KDM2B: variants seen among roughly 807,000 people sequenced by gnomAD.
The protein encoded by KDM2B is lysine-specific demethylase 2B.
In KDM2B, 26 loss-of-function variants were observed where a neutral mutation model predicts 150.0. The ratio of observed to expected loss-of-function variants is 0.17; its 90% CI spans 0.13 to 0.24. KDM2B has a LOEUF of 0.24. Among genes scored for constraint, KDM2B ranks in the 10% least tolerant of loss-of-function variants. KDM2B has a pLI of 1.00. For missense variants in KDM2B, 1,265 were observed against 1,816.9 expected (o/e 0.70, Z 5.52); for synonymous variants, 734 against 729.5 (o/e 1.01, Z -0.10).
At chr12:121,492,538 C>T (rs1314043608) in intron 12 of KDM2B, among the ~76,000 whole-genome samples, 1 of 151,952 alleles carries the variant, frequency 6.6e-6, no homozygotes, top group Non-Finnish European at 1.5e-5. Context: ...GAACTCCTGA[C>T]CTCAAGTGAT....
At chr12:121,423,512 G>A in the KDM2B span, 9 of 1,614,194 alleles carry the variant, frequency 5.6e-6, no homozygotes, top group East Asian at 2.2e-5. The surrounding 1 kb of genome is among the most constrained non-coding windows in gnomAD (Gnocchi z 4.3). Flanking sequence ...TGCGGCAAGC[G>A]CATGAGTGAG....
rs1202113634 is a variant in KDM2B, at chr12:121,518,930, G to A, written c.1047+2055C>T. ...AGGTGACCGCTTGTATCCAAACAGTGCCTTTCTCCTGAATGGCATGGGGCG... is the reference window on the plus strand; with the variant it reads ...AGGTGACCGCTTGTATCCAAACAGTACCTTTCTCCTGAATGGCATGGGGCG... On this transcript the variant is annotated intron_variant, in intron 9 of 22. Transcript: ENST00000377071. This position sits in a 1 kb window ranked among gnomAD's most constrained non-coding sequence, Gnocchi z 4.4. Among the ~76,000 whole-genome samples, 1 of 152,176 alleles carries A rather than the reference G, an allele frequency of 6.6e-6. No individual in the cohort carries two copies. The highest frequency in any genetic ancestry group is 6.5e-5 in the Admixed American group (1 of 15,278).
At chr12:121,433,532 T>G (rs1555285995) in intron 22 of KDM2B, among the ~76,000 whole-genome samples, 1 of 152,176 alleles carries the variant, frequency 6.6e-6, no homozygotes, top group African/African-American at 2.4e-5. Context: ...AGGAATAAAT[T>G]TAACCAAGGA....
At chr12:121,443,936 T>G in intron 16 of KDM2B, 76 bp downstream of exon 16, 6 of 1,171,782 alleles carry the variant, frequency 5.1e-6, no homozygotes, top group Non-Finnish European at 7.3e-6. Flanking sequence ...GCCCACCCCC[T>G]GCCCCATCCC....
Position 121,453,057 on chromosome 12 carries a change from G to T in KDM2B, c.1959+63C>A. 1 of 1,390,074 alleles carries T rather than the reference G, an allele frequency of 7.2e-7. No individual in the cohort carries two copies. The allele number at this position is 1,390,074 out of a possible 1,614,324, so 86.1% of individuals were successfully genotyped here. The stretch of plus-strand genomic sequence containing the variant: ...GGGCGGCCAGAGCGAGCAGCGGTCA[G>T]ACACGCGGGCCGGCACGCAGGGGCC... On this transcript the variant is annotated intron_variant, in intron 13 of 22. Transcript: ENST00000377071. The surrounding 1 kb of genome is among the most constrained non-coding windows in gnomAD (Gnocchi z 6.4).
At chr12:121,416,583 G>T in the KDM2B span, 1 of 499,690 alleles carries the variant, frequency 2.0e-6, no homozygotes, top group South Asian at 2.5e-5. Flanking sequence ...TCATGTTCAG[G>T]CATCCTTTCT....
chr12:121,442,181 C>T lies in KDM2B; in HGVS notation c.3260G>A (p.Arg1087Gln), dbSNP rs782298682. ...CCAGCGGTTCCAGGTCCTGCAGACC[C>T]GCATGCACACACACAGGTCTTGGTG... is the stretch of plus-strand genomic sequence containing the variant. ...LSHQDLCVCMRVCRTWNRWCC... is the reference protein window; with the variant it reads ...LSHQDLCVCMQVCRTWNRWCC... Residue 1087 changes from arginine to glutamine, a missense_variant, in exon 19 of 23, where the codon CGG (arginine) becomes CAG (glutamine). Coordinates refer to ENST00000377071, the MANE Select transcript of KDM2B (RefSeq NM_032590.5). This position sits in a 1 kb window ranked among gnomAD's most constrained non-coding sequence, Gnocchi z 7.7. 14 of 1,613,534 alleles carry T rather than the reference C, an allele frequency of 8.7e-6. No homozygotes were observed. Among genetic ancestry groups the T allele is most frequent in the East Asian group, 4.5e-5 (2 of 44,888 alleles).
At chr12:121,410,141 C>T in the KDM2B span, among the ~76,000 whole-genome samples, 3 of 147,728 alleles carry the variant, frequency 2.0e-5, no homozygotes, top group East Asian at 2.0e-4. Context: ...GCAACAAGAG[C>T]GAAACTCCGT....
chr12:121,478,361 CTTTTTTT>C (rs34310054), intron 12 of KDM2B, among the ~76,000 whole-genome samples: 3 of 137,036 alleles, frequency 2.2e-5, no homozygotes, highest in Non-Finnish European at 4.7e-5. Flanking sequence ...CAAGTAGATC[CTTTTTTT>C]TTTTTTTTTA....
intron 10 of KDM2B, 55 bp from the exon 11 acceptor site, chr12:121,510,094 G>A: frequency 1.4e-6 from 2 of 1,449,888 alleles, no homozygotes; most frequent in South Asian, 2.7e-5. Flanking sequence ...CCCTGCCAAG[G>A]TCTTTGGAAC....
chr12:121,423,738 T>C, the KDM2B span: 9 of 666,678 alleles, frequency 1.3e-5, no homozygotes, highest in African/African-American at 7.3e-5. The surrounding 1 kb of genome is among the most constrained non-coding windows in gnomAD (Gnocchi z 4.3). Flanking sequence ...TGTGGAAACA[T>C]TGGTCCATGC....
In KDM2B at chr12:121,467,096, A is replaced by G; in HGVS notation, c.1735-13752T>C. 1.0e-6 allele frequency: 1 copy of G among 1,001,596 alleles called. No homozygotes were observed. The highest frequency in any genetic ancestry group is 1.2e-6 in the Non-Finnish European group (1 of 802,182). 62.0% of individuals were successfully genotyped at this position (1,001,596 alleles called of 1,614,324 possible). ...GCGTCGCGGCCGCCCTCGGCGCGTC[A>G]GACAGGCGGTCGGGAGGTCGTGCGG... On this transcript the variant is annotated intron_variant, in intron 12 of 22. Transcript: ENST00000377071. This position sits in a 1 kb window ranked among gnomAD's most constrained non-coding sequence, Gnocchi z 5.1.
chr12:121,417,944 C>T, the KDM2B span: 62 of 1,597,916 alleles, frequency 3.9e-5, no homozygotes, highest in Non-Finnish European at 4.8e-5. This position sits in a 1 kb window ranked among gnomAD's most constrained non-coding sequence, Gnocchi z 5.0. Context: ...ACCCAGGGCC[C>T]GGCACGCTTA....
chr12:121,580,528 A>G, intron 1 of KDM2B: 1 of 1,204,842 alleles, frequency 8.3e-7, no homozygotes, highest in Non-Finnish European at 1.0e-6. Context: ...TGACTTTTGG[A>G]GGGCCGAGTT....
chr12:121,510,001 C>T lies in KDM2B; in HGVS notation c.1213G>A (p.Asp405Asn), dbSNP rs1555303675. 14 of 1,590,248 alleles carry T rather than the reference C, an allele frequency of 8.8e-6. No homozygotes were observed. The stretch of plus-strand genomic sequence containing the variant: ...TCCTCCTCCATCTCCAGCCAGGAAT[C>T]CGAAGAGAAGCCGTCTATGCTGGGC... ...RKPSIDGFSS[D>N]SWLEMEEEAC... is the part of the protein sequence containing the mutation. Residue 405 changes from aspartate (D) to asparagine (N), a missense_variant, in exon 11 of 23, where the codon GAT (aspartate) becomes AAT (asparagine). Physicochemically the swap from Asp to Asn is conservative, Grantham distance 23. Around this residue, in one of 11 missense-constraint regions of KDM2B, gnomAD observed 154 missense variants for 162.5 expected, o/e 0.95. Coordinates refer to ENST00000377071, the MANE Select transcript of KDM2B (RefSeq NM_032590.5).
Position 121,442,102 on chromosome 12 carries a change from C to T in KDM2B, c.3284+55G>A. The T allele has an allele frequency of 6.9e-7, 1 of 1,446,400 alleles. No homozygotes were observed. The highest frequency in any genetic ancestry group is 9.7e-7 in the Non-Finnish European group (1 of 1,030,708). 89.6% of individuals were successfully genotyped at this position (1,446,400 alleles called of 1,614,324 possible). A position where few individuals can be genotyped will look rare whatever the true frequency, so the allele number is the denominator to read the frequency against. ...GCCAGCGACTCCACACACCACGGGC[C>T]ATCCCTGGTGCCGCCTGAGCCTTAA... is the stretch of plus-strand genomic sequence containing the variant. On this transcript the variant is annotated intron_variant, in intron 19 of 22. Transcript: ENST00000377071. This position sits in a 1 kb window ranked among gnomAD's most constrained non-coding sequence, Gnocchi z 7.7.
Position 121,492,830 on chromosome 12 carries a change from A to C in KDM2B, c.1734+1749T>G, listed in dbSNP as rs548865332. ...GGTGACAAGAGCAAAACTCCGTCTC[A>C]AAAAAAAAAGAAAAAAAAAGAAAAA... On this transcript the variant is annotated intron_variant, in intron 12 of 22. Transcript: ENST00000377071. 2.1e-3 allele frequency among the ~76,000 whole-genome samples: 212 copies of C among 103,278 alleles called. 1 individual carries two copies. Among genetic ancestry groups the C allele is most frequent in the African/African-American group, 0.013 (205 of 15,918 alleles). 67.8% of individuals were successfully genotyped at this position (103,278 alleles called of 152,430 possible).
At chr12:121,562,328 C>T (rs1890399235) in intron 4 of KDM2B, among the ~76,000 whole-genome samples, 1 of 133,526 alleles carries the variant, frequency 7.5e-6, no homozygotes, top group African/African-American at 2.8e-5. Context: ...ACTAAAAATA[C>T]AAAAAATTAG....
intron 12 of KDM2B, among the ~76,000 whole-genome samples, chr12:121,477,933 G>T (rs1353922222): frequency 6.6e-6 from 1 of 150,606 alleles, no homozygotes; most frequent in African/African-American, 2.4e-5. Context: ...ATGGAGACGG[G>T]GATCTCATTA....
Sources: allele counts gnomAD v4.1 joint callset (sites outside exome capture counted in the v4.1 genomes callset), GRCh38; gene constraint gnomAD v4.1.1; regional missense constraint gnomAD v4.1.1; non-coding constraint Gnocchi (gnomAD v3.1); transcripts MANE v1.5; gene names NCBI Gene and HGNC (gene_info 2026-07-23, HGNC 2026-07-21).